Variants in TPO observed in about 807,000 individuals in gnomAD.
TPO encodes thyroid microsomal antigen.
TPO carries 78 observed loss-of-function variants against 96.9 expected under a neutral mutation model. The ratio of observed to expected loss-of-function variants is 0.81; its 90% CI spans 0.67 to 0.97. TPO has a LOEUF of 0.97. Ranked by LOEUF, TPO falls within the 50% of genes least tolerant of loss-of-function variation. The probability of loss-of-function intolerance (pLI) is 0.00; values close to 1 mark genes in which losing one functional copy is unlikely to be tolerated. For synonymous variants in TPO, 547 were observed against 538.0 expected (o/e 1.02, Z -0.23); for missense variants, 1,252 against 1,274.8 (o/e 0.98, Z 0.27).
intron 1 of TPO, 44 bp from the exon 2 acceptor site, chr2:1,414,364 G>C (rs1366165472): frequency 1.9e-6 from 3 of 1,579,268 alleles, no homozygotes; most frequent in Non-Finnish European, 2.6e-6. Context: ...CCATGGCCTT[G>C]TCAGTGCTTG....
At chr2:1,479,980 C>T (rs967146459) in intron 8 of TPO, among the ~76,000 whole-genome samples, 1 of 152,118 alleles carries the variant, frequency 6.6e-6, no homozygotes, top group Non-Finnish European at 1.5e-5. Context: ...TGGGGTTTTG[C>T]CATGTTGGCT....
intron 1 of TPO, 128 bp from the exon 2 acceptor site, chr2:1,414,280 C>CG (rs1662654491): frequency 1.1e-6 from 1 of 873,652 alleles, no homozygotes. Context: ...CTGTGAGGGT[C>CG]GCTCACTGCG....
chr2:1,385,055 A>T (rs1661869280), intron 1 of TPO, among the ~76,000 whole-genome samples: 1 of 152,202 alleles, frequency 6.6e-6, no homozygotes, highest in African/African-American at 2.4e-5. Context: ...CATCCCAGGG[A>T]TGAAGCCCAT....
intron 1 of TPO, among the ~76,000 whole-genome samples, chr2:1,384,686 A>T (rs1172160199): frequency 6.6e-6 from 1 of 152,030 alleles, no homozygotes; most frequent in Non-Finnish European, 1.5e-5. Flanking sequence ...CTCTTTTCCT[A>T]ATTGAATACC....
At chr2:1,449,061 C>G (rs115856344) in intron 5 of TPO, among the ~76,000 whole-genome samples, 1,941 of 152,278 alleles carry the variant, frequency 0.013, 44 homozygotes, top group African/African-American at 0.045. Context: ...TCGTGGAGTT[C>G]ACGTTCTGTC....
At chr2:1,503,052 G>A (rs1017817845) in intron 13 of TPO, among the ~76,000 whole-genome samples, 2 of 152,166 alleles carry the variant, frequency 1.3e-5, no homozygotes, top group African/African-American at 2.4e-5. Context: ...TGGCCGAGTC[G>A]GGGACCAAGA....
At chr2:1,416,470 T>C (rs1240545072) in intron 2 of TPO, among the ~76,000 whole-genome samples, 1 of 152,258 alleles carries the variant, frequency 6.6e-6, no homozygotes, top group Admixed American at 6.5e-5. Context: ...AAAATCACAT[T>C]TAAAAAGCCA....
At chr2:1,422,364 G>GCTGGACCGACCTCGTGCAGCCGCCTCTC (rs1663799065) in intron 2 of TPO, among the ~76,000 whole-genome samples, 1 of 118,180 alleles carries the variant, frequency 8.5e-6, no homozygotes, top group African/African-American at 3.1e-5. Flanking sequence ...CAGGCGCCGC[G>GCTGGACCGACCTCGTGCAGCCGCCTCTC]CTGGACCGAC....
intron 7 of TPO, among the ~76,000 whole-genome samples, chr2:1,474,457 G>A (rs2148662436): frequency 6.6e-6 from 1 of 152,294 alleles, no homozygotes; most frequent in East Asian, 1.9e-4. Context: ...CGCTGACTCT[G>A]TAGAGTGCAC....
Position 1,503,978 on chromosome 2 carries a change from C to T in TPO, c.2417C>T (p.Pro806Leu), listed in dbSNP as rs1673145894. ...AACGAGTGTGCAGACGGTGCCCACC[C>T]CCCCTGCCACGCCTCTGCGAGGTGC... is the stretch of plus-strand genomic sequence containing the variant. ...DVNECADGAH[P>L]PCHASARCRN... The change falls in exon 14 of 17, where the codon CCC becomes CTC. Residue 806 changes from proline to leucine, a missense_variant. Coordinates refer to ENST00000329066, the MANE Select transcript of TPO (RefSeq NM_001206744.2). The T allele has an allele frequency of 6.2e-7, 1 of 1,614,156 alleles. No individual in the cohort carries two copies.
At chr2:1,380,898 A>G (rs1013073269) in intron 1 of TPO, among the ~76,000 whole-genome samples, 22 of 152,178 alleles carry the variant, frequency 1.4e-4, no homozygotes, top group African/African-American at 5.3e-4. Context: ...TCCTGGGGGA[A>G]GGCAGAGGGT....
At chr2:1,495,223 C>T (rs1413780182) in intron 11 of TPO, among the ~76,000 whole-genome samples, 7 of 152,172 alleles carry the variant, frequency 4.6e-5, no homozygotes, top group Non-Finnish European at 7.3e-5. Context: ...AATTAACTTA[C>T]GTATAGTGGG....
At chr2:1,540,019 C>G (rs1450816818) in intron 15 of TPO, among the ~76,000 whole-genome samples, 3 of 152,202 alleles carry the variant, frequency 2.0e-5, no homozygotes, top group Non-Finnish European at 2.9e-5. Flanking sequence ...GTAACTTGCT[C>G]TTCCCTCCTC....
rs1680632843 is a variant in TPO at position 1,540,624 on chromosome 2, C to T, written c.2649C>T (p.Pro883=). The T allele has an allele frequency of 3.7e-6, 6 of 1,613,660 alleles. No homozygotes were observed. Among genetic ancestry groups the T allele is most frequent in the South Asian group, 1.1e-5 (1 of 91,086 alleles). ...GCACTGGCACTAAATCCACACTGCC[C>T]ATCTCGGAGACAGGCGGAGGAACTC... ...WTRTGTKSTL[P]ISETGGGTPE... Residue 883 remains proline (P), a synonymous_variant, in exon 16 of 17, where the codon CCC becomes CCT. Transcript: ENST00000329066.
intron 16 of TPO, 67 bp downstream of exon 16, chr2:1,540,790 A>G: frequency 6.2e-7 from 1 of 1,612,512 alleles, no homozygotes; most frequent in Non-Finnish European, 8.5e-7. Flanking sequence ...TGGGTGTCGG[A>G]GCAGCTCTGC....
At chr2:1,524,271 T>C (rs1279563126) in intron 15 of TPO, among the ~76,000 whole-genome samples, 50 of 55,240 alleles carry the variant, frequency 9.1e-4, no homozygotes, top group South Asian at 7.4e-3. Flanking sequence ...TCCTCAAATC[T>C]CCTCACAGTG....
intron 3 of TPO, among the ~76,000 whole-genome samples, chr2:1,423,987 C>G (rs1664060733): frequency 6.6e-6 from 1 of 152,168 alleles, no homozygotes. Context: ...GTGCTGCTCT[C>G]TTAGTAACAA....
chr2:1,490,126 A>G (rs10207591), intron 10 of TPO, among the ~76,000 whole-genome samples: 68 of 45,808 alleles, frequency 1.5e-3, no homozygotes, highest in African/African-American at 8.0e-3. Flanking sequence ...CGAGGGTCCC[A>G]CACAGGGGGA....
At chr2:1,448,310 C>G (rs1573229277) in intron 5 of TPO, among the ~76,000 whole-genome samples, 1 of 152,202 alleles carries the variant, frequency 6.6e-6, no homozygotes, top group Non-Finnish European at 1.5e-5. Context: ...AGCTCCTGCA[C>G]GCATCGGCTG....
Sources: gnomAD v4.1 joint callset for allele counts (sites outside exome capture counted in the v4.1 genomes callset) on GRCh38, gnomAD v4.1.1 for gene constraint, MANE v1.5 for transcripts, NCBI Gene and HGNC (gene_info 2026-07-23, HGNC 2026-07-21) for gene names.